The following DTNA variants were observed in gnomAD, a reference collection of about 807,000 sequenced individuals.
The protein encoded by DTNA is dystrobrevin alpha, also known as dystrophin-related protein 3.
DTNA carries 43 observed loss-of-function variants against 100.7 expected under a neutral mutation model. The ratio of observed to expected loss-of-function variants is 0.43; its 90% CI spans 0.33 to 0.55. DTNA has a LOEUF of 0.55. DTNA is among the 20% of genes least tolerant of loss of function. The pLI is 0.04. For synonymous variants in DTNA, 349 were observed against 347.9 expected (o/e 1.00, Z -0.04); for missense variants, 798 against 953.9 (o/e 0.84, Z 2.15).
chr18:34,503,594 A>C (rs189548074), intron 1 of DTNA, among the ~76,000 whole-genome samples: 1 of 152,170 alleles, frequency 6.6e-6, no homozygotes, highest in East Asian at 1.9e-4. Flanking sequence ...TAGTTGGCTC[A>C]TATTTTTAAT....
chr18:34,549,186 T>C (rs778165138), intron 1 of DTNA, among the ~76,000 whole-genome samples: 2 of 152,070 alleles, frequency 1.3e-5, no homozygotes, highest in Non-Finnish European at 2.9e-5. Flanking sequence ...AGTGCTAATA[T>C]CTAACTGGTT....
At chr18:34,866,431 G>A (rs989737294) in intron 17 of DTNA, 2 of 1,285,784 alleles carry the variant, frequency 1.6e-6, no homozygotes, top group South Asian at 3.2e-5. Flanking sequence ...TTTCAAACCA[G>A]TCTTAGCTTT....
rs532699755 is a variant in DTNA, at chr18:34,637,555, G to T, written c.-1-118421G>T. On this transcript the variant is annotated intron_variant, in intron 1 of 19. Coordinates refer to the DTNA transcript ENST00000283365. ...TCAGATACTATTAGGCTAAAAATTT[G>T]CTTAGCTCTTAGTCCCCACTCCACA... Among the ~76,000 whole-genome samples, 8 of 152,264 alleles carry T rather than the reference G, an allele frequency of 5.3e-5. No individual in the cohort carries two copies. In the South Asian group the frequency reaches 1.7e-3, roughly 32 times the overall value.
intron 3 of DTNA, among the ~76,000 whole-genome samples, chr18:34,783,699 A>AT (rs2148854012): frequency 6.6e-6 from 1 of 152,310 alleles, no homozygotes; most frequent in Non-Finnish European, 1.5e-5. Context: ...TCTGATTTCA[A>AT]TGTTTGGTTA....
At chr18:34,808,577 A>G (rs2095419626) in intron 5 of DTNA, among the ~76,000 whole-genome samples, 1 of 152,240 alleles carries the variant, frequency 6.6e-6, no homozygotes, top group Non-Finnish European at 1.5e-5. Context: ...AATGGCTGGT[A>G]GGTAAGGGAC....
At position 34,848,368 on chromosome 18, in the gene DTNA, A is replaced by G; in HGVS notation, c.1419A>G (p.Ala473=). ...CCAGGTATGCGGCAAGGCTGGCAGC[A>G]GAGTCCTCTTCGTCTGTAAGTAGTT... The part of the protein sequence containing the change: ...LIARYAARLA[A]ESSSSQPPQQ... Residue 473 remains alanine, a synonymous_variant, in exon 14 of 23, where the codon GCA becomes GCG. Transcript: ENST00000444659. The G allele has an allele frequency of 6.2e-7, 1 of 1,614,034 alleles. No individual in the cohort carries two copies. Among genetic ancestry groups the G allele is most frequent in the Non-Finnish European group, 8.5e-7 (1 of 1,179,942 alleles).
intron 1 of DTNA, among the ~76,000 whole-genome samples, chr18:34,596,287 C>A (rs2050594578): frequency 6.6e-6 from 1 of 152,116 alleles, no homozygotes; most frequent in African/African-American, 2.4e-5. Context: ...CGATTGATCT[C>A]CACTCACTGC....
chr18:34,812,260 T>C, intron 6 of DTNA, 147 bp downstream of exon 6: 2 of 1,125,712 alleles, frequency 1.8e-6, no homozygotes, highest in Non-Finnish European at 2.6e-6. Flanking sequence ...GCAAATGACC[T>C]CTGAGCCAGT....
At chr18:34,867,611 CCCT>C in intron 17 of DTNA, 1 of 1,011,660 alleles carries the variant, frequency 9.9e-7, no homozygotes, top group Non-Finnish European at 1.2e-6. Context: ...ATTATAACCT[CCCT>C]CCTCCTAGCA....
At chr18:34,684,675 G>A (rs1015312206) in intron 1 of DTNA, among the ~76,000 whole-genome samples, 8 of 152,158 alleles carry the variant, frequency 5.3e-5, no homozygotes, top group African/African-American at 1.4e-4. Context: ...TAATACGATT[G>A]CTAGGTCAAA....
chr18:34,752,581 G>A (rs1377988356), intron 1 of DTNA, among the ~76,000 whole-genome samples: 4 of 152,176 alleles, frequency 2.6e-5, no homozygotes, highest in Admixed American at 2.6e-4. Flanking sequence ...TAATAGGTGA[G>A]TATTCTCAAT....
rs2096413150 is a variant in DTNA at position 34,848,151 on chromosome 18, G to T, written c.1347-145G>T. 11 of 748,058 alleles carry T rather than the reference G, an allele frequency of 1.5e-5. No individual in the cohort carries two copies. The South Asian group carries it at 1.5e-4, about 10-fold the overall frequency. The allele number at this position is 748,058 out of a possible 1,614,324, so 46.3% of individuals were successfully genotyped here. Reference sequence around the variant, plus strand: ...TAGATCATGTTACAAATTCAAGTCTGAGATTGTTATTCTAACAGGGTTTTG... The same window carrying T: ...TAGATCATGTTACAAATTCAAGTCTTAGATTGTTATTCTAACAGGGTTTTG... On this transcript the variant is annotated intron_variant, in intron 13 of 22. Transcript: ENST00000444659.
chr18:34,793,933 C>A, intron 3 of DTNA, 104 bp from the exon 4 acceptor site: 2 of 1,190,480 alleles, frequency 1.7e-6, no homozygotes, highest in Non-Finnish European at 2.4e-6. Context: ...AACAGCTGCA[C>A]ACATGTGAGA....
chr18:34,754,279 T>C (rs1232089522), intron 1 of DTNA, among the ~76,000 whole-genome samples: 1 of 152,212 alleles, frequency 6.6e-6, no homozygotes, highest in African/African-American at 2.4e-5. Flanking sequence ...ACACAGCTCA[T>C]TACCTTTTGA....
At chr18:34,625,596 A>G (rs992220130) in intron 1 of DTNA, among the ~76,000 whole-genome samples, 1 of 152,358 alleles carries the variant, frequency 6.6e-6, no homozygotes, top group East Asian at 1.9e-4. Flanking sequence ...TAAGACATAC[A>G]TAAAATATAT....
At chr18:34,629,681 G>A (rs1400822221) in intron 1 of DTNA, among the ~76,000 whole-genome samples, 2 of 152,140 alleles carry the variant, frequency 1.3e-5, no homozygotes, top group Non-Finnish European at 2.9e-5. Flanking sequence ...TAGTCCTCCA[G>A]GCCACCTATG....
chr18:34,526,707 C>T (rs546949951), intron 1 of DTNA, among the ~76,000 whole-genome samples: 7 of 152,056 alleles, frequency 4.6e-5, no homozygotes, highest in Non-Finnish European at 8.8e-5. Flanking sequence ...GTCTGACTAT[C>T]CTCAGCATAA....
At chr18:34,714,386 GA>G (rs774522761) in intron 1 of DTNA, among the ~76,000 whole-genome samples, 6,025 of 134,402 alleles carry the variant, frequency 0.045, 34 homozygotes, top group African/African-American at 0.09. Context: ...AAATTTACAA[GA>G]AAAAAAACAA....
rs1452153151 is a variant in DTNA, at chr18:34,812,172, AGATGTCATTCCAGGTCACAGATACTC to A, written c.603+60_603+85del. 2.5e-6 allele frequency: 4 copies of A among 1,608,558 alleles called. No homozygotes were observed. The African/African-American group carries it at 4.0e-5, about 16-fold the overall frequency. On this transcript the variant is annotated intron_variant, in intron 6 of 22. Coordinates refer to ENST00000444659, the MANE Select transcript of DTNA (RefSeq NM_001386795.1). ...TTCAAACAGTGGTTGCTCTCCTTCT[AGATGTCATTCCAGGTCACAGATACTC>A]AGACAAATTATTCTGTGTGATAGCA...
Sources: gnomAD v4.1 joint callset for allele counts (sites outside exome capture counted in the v4.1 genomes callset) on GRCh38, gnomAD v4.1.1 for gene constraint, MANE v1.5 for transcripts, NCBI Gene and HGNC (gene_info 2026-07-23, HGNC 2026-07-21) for gene names.